The following TMEM130 variants were observed in gnomAD, a reference collection of about 807,000 sequenced individuals.
TMEM130 encodes transmembrane protein 130.
Under a neutral mutation model 42.9 loss-of-function variants are expected in TMEM130, and 37 were observed. The observed-to-expected ratio is 0.86, with a 90% CI of 0.66 to 1.13. The LOEUF (loss-of-function observed/expected upper bound fraction) is 1.13, where lower values mean the gene tolerates loss of function less well. TMEM130 is among the 50% of genes most tolerant of loss of function. The pLI is 0.00. For synonymous variants in TMEM130, 259 were observed against 237.7 expected, an observed-to-expected ratio of 1.09 and a Z score of -0.82; for missense variants, 545 against 562.6, an observed-to-expected ratio of 0.97 and a Z score of 0.32.
At chr7:98,849,707 T>C (rs1383879766) in intron 6 of TMEM130, among the ~76,000 whole-genome samples, 1 of 152,128 alleles carries the variant, frequency 6.6e-6, no homozygotes, top group African/African-American at 2.4e-5. Flanking sequence ...TTGGGAGCAC[T>C]GGGAAGAACT....
intron 2 of TMEM130, among the ~76,000 whole-genome samples, chr7:98,860,802 G>T (rs2116111712): frequency 6.6e-6 from 1 of 152,064 alleles, no homozygotes; most frequent in East Asian, 1.9e-4. Context: ...AATTAGCCAG[G>T]TGTGGTGGCA....
At chr7:98,850,772 G>A (rs1367759644) in intron 6 of TMEM130, among the ~76,000 whole-genome samples, 15 of 152,284 alleles carry the variant, frequency 9.9e-5, no homozygotes, top group African/African-American at 3.6e-4. Flanking sequence ...GAGTTGAGTA[G>A]AGTTACTGTT....
intron 5 of TMEM130, among the ~76,000 whole-genome samples, chr7:98,852,111 T>A (rs1794522955): frequency 6.6e-6 from 1 of 152,004 alleles, no homozygotes; most frequent in African/African-American, 2.4e-5. Context: ...CATGCCCAAC[T>A]AATTTTTTAA....
intron 1 of TMEM130, among the ~76,000 whole-genome samples, chr7:98,865,133 C>T (rs557610278): frequency 3.3e-5 from 5 of 152,366 alleles, no homozygotes; most frequent in Non-Finnish European, 5.9e-5. Flanking sequence ...CCAAGGGGCA[C>T]CCGGAGAGCA....
At position 98,850,796 on chromosome 7, in the gene TMEM130, T is replaced by C. The variant is rs532231515; in HGVS notation, c.1006+625A>G. ...AGAGTTACTGTTGGGGATGCTGGTT[T>C]TAGCAGTGGCAACTGCTGGGGCAGG... On this transcript the variant is annotated intron_variant, in intron 6 of 7. Coordinates refer to ENST00000339375, the MANE Select transcript of TMEM130 (RefSeq NM_152913.3). Among the ~76,000 whole-genome samples, 29 of 152,296 alleles carry C rather than the reference T, an allele frequency of 1.9e-4. No individual in the cohort carries two copies. In the East Asian group the frequency reaches 5.4e-3, roughly 28 times the overall value.
At chr7:98,852,801 T>C (rs1473962038) in intron 5 of TMEM130, among the ~76,000 whole-genome samples, 2 of 152,114 alleles carry the variant, frequency 1.3e-5, no homozygotes, top group African/African-American at 4.8e-5. Flanking sequence ...TTCACCATGT[T>C]GGCCAGGCTA....
chr7:98,868,055 C>T (rs1420204691), intron 1 of TMEM130, among the ~76,000 whole-genome samples: 1 of 152,118 alleles, frequency 6.6e-6, no homozygotes, highest in Non-Finnish European at 1.5e-5. Context: ...ATGGCGAAGC[C>T]CTATCTCTAC....
chr7:98,854,042 GTTTT>G (rs11297042), intron 5 of TMEM130, among the ~76,000 whole-genome samples: 2 of 105,566 alleles, frequency 1.9e-5, no homozygotes, highest in Non-Finnish European at 2.0e-5. Flanking sequence ...GTTTTTTTTT[GTTTT>G]TTTTTTTTTT....
In TMEM130 at chr7:98,851,639, G is replaced by A. The variant is rs1554398287; in HGVS notation, c.804-16C>T. On this transcript the variant is annotated splice_polypyrimidine_tract_variant and intron_variant, in intron 5 of 7. Coordinates refer to ENST00000339375, the MANE Select transcript of TMEM130 (RefSeq NM_152913.3). ...CAGAGGAGGGCTGCAGGGAAATGGG[G>A]GCGGTTTTTAAGAAAAGGCTCAGCA... is the stretch of plus-strand genomic sequence containing the variant. 3 of 1,595,852 alleles carry A rather than the reference G, an allele frequency of 1.9e-6. No individual in the cohort carries two copies. Among genetic ancestry groups the A allele is most frequent in the South Asian group, 1.1e-5 (1 of 89,288 alleles).
At position 98,848,106 on chromosome 7, in the gene TMEM130, G is replaced by A. The variant is rs1554397624; in HGVS notation, c.1222C>T (p.His408Tyr). 6.2e-7 allele frequency: 1 copy of A among 1,614,068 alleles called. No homozygotes were observed. Among genetic ancestry groups the A allele is most frequent in the Non-Finnish European group, 8.5e-7 (1 of 1,180,010 alleles). Residue 408 changes from histidine (H) to tyrosine (Y), a missense_variant, in exon 8 of 8, where the codon CAC (histidine) becomes TAC (tyrosine). Physicochemically the swap from His to Tyr is moderately conservative, Grantham distance 83. Coordinates refer to ENST00000339375, the MANE Select transcript of TMEM130 (RefSeq NM_152913.3). The part of the protein sequence containing the change: ...SEYLEIVREN[H>Y]GLLPPLYKSV... ...TTATAGAGGGGCGGGAGCAGCCCGT[G>A]GTTCTCACGAACAATTTCCAGGTAC...
intron 3 of TMEM130, among the ~76,000 whole-genome samples, chr7:98,859,858 CTGGCCAACA>C (rs1584241316): frequency 6.6e-6 from 1 of 151,850 alleles, no homozygotes; most frequent in Admixed American, 6.6e-5. Context: ...TGAGACTAGC[CTGGCCAACA>C]TGGTGAAACC....
Position 98,869,896 on chromosome 7 carries a change from C to T in TMEM130, c.-35G>A, listed in dbSNP as rs1358952558. On this transcript the variant is annotated 5_prime_UTR_variant, in exon 1 of 8. Transcript: ENST00000339375. The surrounding 1 kb of genome is among the most constrained non-coding windows in gnomAD (Gnocchi z 4.7). ...CGGAGCGGGAGAAGCGTGGGGCGGA[C>T]GCGGAGGGAATGCAGCTGGAGCTCG... 4 of 1,299,148 alleles carry T rather than the reference C, an allele frequency of 3.1e-6. No homozygotes were observed. Among genetic ancestry groups the T allele is most frequent in the African/African-American group, 3.1e-5 (2 of 65,082 alleles). The allele number at this position is 1,299,148 out of a possible 1,614,324, so 80.5% of individuals were successfully genotyped here.
chr7:98,860,380 C>T lies in TMEM130; in HGVS notation c.392-42G>A, dbSNP rs199627842. The T allele has an allele frequency of 2.8e-5, 43 of 1,539,590 alleles. No individual in the cohort carries two copies. The East Asian group carries it at 3.7e-4, about 13-fold the overall frequency. ...CACGGGAGGGTGAGTCTTGGAGATT[C>T]AGGGATCAGGAAACCAGGTAGAGAC... On this transcript the variant is annotated intron_variant, in intron 2 of 7. Coordinates refer to ENST00000339375, the MANE Select transcript of TMEM130 (RefSeq NM_152913.3).
rs146933940 is a variant in TMEM130 at position 98,859,118 on chromosome 7, G to A, written c.551+1061C>T. On this transcript the variant is annotated intron_variant, in intron 3 of 7. Transcript: ENST00000339375. The stretch of plus-strand genomic sequence containing the variant: ...GAAGAAAAAGAAGGAAGAAAGGAAG[G>A]GAGGGAGGGAGGGAGGGAGGAAGGG... Among the ~76,000 whole-genome samples the A allele has an allele frequency of 6.0e-3, 897 of 150,182 alleles. 7 individuals are homozygous for A. The highest frequency in any genetic ancestry group is 0.02 in the African/African-American group (833 of 40,704).
chr7:98,848,329 C>G (rs1794410011), intron 7 of TMEM130, 121 bp from the exon 8 acceptor site: 2 of 1,180,604 alleles, frequency 1.7e-6, no homozygotes, highest in South Asian at 2.9e-5. Context: ...TGCCTGGTGG[C>G]AGAGTGCACA....
rs745686846 is a variant in TMEM130, at chr7:98,847,926, G to C, written c.*130C>G. ...CTTGTGGCAGTGGCTGAACTGTACA[G>C]ATGGATGGATGATCCAGGCCAACAG... On this transcript the variant is annotated 3_prime_UTR_variant, in exon 8 of 8. Transcript: ENST00000339375. The C allele has an allele frequency of 3.1e-4, 273 of 868,896 alleles. No homozygotes were observed. The highest frequency in any genetic ancestry group is 3.7e-4 in the Non-Finnish European group (205 of 552,398). 53.8% of individuals were successfully genotyped at this position (868,896 alleles called of 1,614,324 possible). A position where few individuals can be genotyped will look rare whatever the true frequency, so the allele number is the denominator to read the frequency against.
intron 6 of TMEM130, among the ~76,000 whole-genome samples, chr7:98,849,291 G>T (rs1304279186): frequency 6.6e-6 from 1 of 152,176 alleles, no homozygotes; most frequent in African/African-American, 2.4e-5. Flanking sequence ...TCATGCTAAT[G>T]CTGACCTGCA....
Position 98,847,956 on chromosome 7 carries a change from AC to A in TMEM130, c.*99del. ...ATGGATGATCCAGGCCAACAGCCCC[AC>A]GCAAATGAACCCCTCCTGGTCAGTG... On this transcript the variant is annotated 3_prime_UTR_variant, in exon 8 of 8. Coordinates refer to ENST00000339375, the MANE Select transcript of TMEM130 (RefSeq NM_152913.3). 8.4e-7 allele frequency: 1 copy of A among 1,192,002 alleles called. No homozygotes were observed. Among genetic ancestry groups the A allele is most frequent in the Non-Finnish European group, 1.2e-6 (1 of 829,892 alleles). The allele number at this position is 1,192,002 out of a possible 1,614,324, so 73.8% of individuals were successfully genotyped here.
chr7:98,852,560 T>G (rs901996107), intron 5 of TMEM130, among the ~76,000 whole-genome samples: 18 of 151,888 alleles, frequency 1.2e-4, no homozygotes, highest in African/African-American at 4.3e-4. Flanking sequence ...GCAACCAGCA[T>G]GAGAGAGTTG....
Sources: gnomAD v4.1 joint callset for allele counts (sites outside exome capture counted in the v4.1 genomes callset) on GRCh38, gnomAD v4.1.1 for gene constraint, Gnocchi (gnomAD v3.1) non-coding constraint, MANE v1.5 for transcripts, NCBI Gene and HGNC (gene_info 2026-07-23, HGNC 2026-07-21) for gene names.